SLC27A1: variants seen among roughly 807,000 people sequenced by gnomAD.
SLC27A1 encodes the protein long-chain fatty acid transport protein 1.
In SLC27A1, 61 loss-of-function variants were observed where a neutral mutation model predicts 62.2. The observed-to-expected ratio is 0.98, with a 90% CI of 0.80 to 1.21. SLC27A1 has a LOEUF of 1.21. Among genes scored for constraint, SLC27A1 ranks in the 50% most tolerant of loss-of-function variants. SLC27A1 has a pLI of 0.00. For missense variants in SLC27A1, 903 were observed against 932.1 expected, an observed-to-expected ratio of 0.97 and a Z score of 0.41; for synonymous variants, 435 against 408.6, an observed-to-expected ratio of 1.06 and a Z score of -0.78.
chr19:17,493,953 C>T (rs568330944), intron 6 of SLC27A1, among the ~76,000 whole-genome samples: 2 of 151,902 alleles, frequency 1.3e-5, no homozygotes, highest in East Asian at 3.9e-4. Flanking sequence ...TCTTACTGTA[C>T]ACGTGCTAAC....
chr19:17,488,385 A>G (rs1599655512), intron 4 of SLC27A1, among the ~76,000 whole-genome samples: 1 of 151,512 alleles, frequency 6.6e-6, no homozygotes. Flanking sequence ...ACAAACAAAA[A>G]CCCTCTCTCA....
At chr19:17,493,922 G>A (rs4808656) in intron 6 of SLC27A1, among the ~76,000 whole-genome samples, 119,756 of 152,042 alleles carry the variant, frequency 0.79, 48,317 homozygotes, top group Non-Finnish European at 0.89. Flanking sequence ...CACAGCAGCC[G>A]GCTTTTGTTG....
intron 1 of SLC27A1, among the ~76,000 whole-genome samples, chr19:17,483,203 C>T (rs2075197808): frequency 6.6e-6 from 1 of 152,086 alleles, no homozygotes; most frequent in Admixed American, 6.5e-5. Flanking sequence ...TGGCTCTGCA[C>T]AAGGCTTTGA....
rs368587295 is a variant in SLC27A1, at chr19:17,497,415, T to C, written c.1157T>C (p.Phe386Ser). The part of the protein sequence containing the change: ...ERFGVRQIGE[F>S]YGATECNCSI... ...TTCGGCGTACGCCAAATCGGGGAGTTCTACGGCGCCACCGAGTGCAACTGC... is the reference window on the plus strand; with the variant it reads ...TTCGGCGTACGCCAAATCGGGGAGTCCTACGGCGCCACCGAGTGCAACTGC... Residue 386 changes from phenylalanine to serine, a missense_variant, in exon 7 of 12, where the codon TTC becomes TCC. Coordinates refer to ENST00000252595, the MANE Select transcript of SLC27A1 (RefSeq NM_198580.3). The C allele has an allele frequency of 4.4e-6, 7 of 1,604,792 alleles. No homozygotes were observed. Among genetic ancestry groups the C allele is most frequent in the Non-Finnish European group, 5.1e-6 (6 of 1,177,118 alleles).
chr19:17,480,549 T>C (rs1272497303), intron 1 of SLC27A1, among the ~76,000 whole-genome samples: 1 of 146,380 alleles, frequency 6.8e-6, no homozygotes, highest in East Asian at 1.9e-4. Context: ...TTCTTTTTTT[T>C]TTTTTTTTTG....
At chr19:17,489,172 C>T in intron 6 of SLC27A1, 55 bp downstream of exon 6, 2 of 1,468,768 alleles carry the variant, frequency 1.4e-6, no homozygotes, top group Non-Finnish European at 1.9e-6. Flanking sequence ...AGGCCTCACC[C>T]CCTCCCAATC....
intron 4 of SLC27A1, chr19:17,488,618 C>T: frequency 1.7e-6 from 1 of 594,398 alleles, no homozygotes; most frequent in Non-Finnish European, 3.0e-6. Flanking sequence ...CCCCAACCCC[C>T]CTGGCTGCAT....
intron 4 of SLC27A1, 64 bp downstream of exon 4, chr19:17,487,593 T>C (rs946979489): frequency 6.6e-6 from 10 of 1,512,112 alleles, no homozygotes; most frequent in Non-Finnish European, 9.1e-6. Flanking sequence ...CTTGCCAGCC[T>C]GACCTGCCCC....
At chr19:17,482,286 A>C (rs1422179955) in intron 1 of SLC27A1, among the ~76,000 whole-genome samples, 9 of 152,172 alleles carry the variant, frequency 5.9e-5, no homozygotes, top group African/African-American at 2.2e-4. Flanking sequence ...TGCCGGGGTG[A>C]GGCAGGCGGA....
Position 17,497,166 on chromosome 19 carries a change from T to A in SLC27A1, c.997-89T>A, listed in dbSNP as rs770181259. The A allele has an allele frequency of 5.8e-6, 6 of 1,032,280 alleles. No individual in the cohort carries two copies. The East Asian group carries it at 1.7e-4, about 30-fold the overall frequency. The allele number at this position is 1,032,280 out of a possible 1,614,324, so 63.9% of individuals were successfully genotyped here. A position where few individuals can be genotyped will look rare whatever the true frequency, so the allele number is the denominator to read the frequency against. ...TGTTCCGCTCATAGGATTAGCTCCC[T>A]GGGTGGGGCGGTCTCGGGGTCTCTC... On this transcript the variant is annotated intron_variant, in intron 6 of 11. Transcript: ENST00000252595.
intron 1 of SLC27A1, among the ~76,000 whole-genome samples, chr19:17,484,388 C>T (rs1599649428): frequency 6.6e-6 from 1 of 152,128 alleles, no homozygotes; most frequent in East Asian, 1.9e-4. Flanking sequence ...TCCAGTAGTT[C>T]GAGACCAGCC....
intron 6 of SLC27A1, among the ~76,000 whole-genome samples, chr19:17,490,665 A>G (rs1375181043): frequency 1.3e-5 from 2 of 152,084 alleles, no homozygotes; most frequent in African/African-American, 4.8e-5. Flanking sequence ...CTGTTTCACT[A>G]TAACCTTTGA....
Position 17,486,837 on chromosome 19 carries a change from C to G in SLC27A1, c.442C>G (p.Leu148Val), listed in dbSNP as rs1422424579. The G allele has an allele frequency of 6.3e-7, 1 of 1,590,266 alleles. No individual in the cohort carries two copies. Among genetic ancestry groups the G allele is most frequent in the Admixed American group, 1.7e-5 (1 of 57,512 alleles). ...RPEFVGLWLGLAKAGMEAALL... is the reference protein window; with the variant it reads ...RPEFVGLWLGVAKAGMEAALL... The stretch of plus-strand genomic sequence containing the variant: ...GGAGTTCGTGGGGCTGTGGCTGGGC[C>G]TGGCCAAGGCGGGCATGGAGGCCGC... Residue 148 changes from leucine (L) to valine (V), a missense_variant, in exon 2 of 12, where the codon CTG (leucine) becomes GTG (valine). Transcript: ENST00000252595. The surrounding 1 kb of genome is among the most constrained non-coding windows in gnomAD (Gnocchi z 6.6).
At chr19:17,501,465 G>T (rs374778837) in intron 11 of SLC27A1, 46 bp downstream of exon 11, 2 of 1,587,876 alleles carry the variant, frequency 1.3e-6, no homozygotes, top group Non-Finnish European at 1.7e-6. Flanking sequence ...CCATCAGTGT[G>T]TCTGTTGATT....
At chr19:17,483,384 C>A (rs974592204) in intron 1 of SLC27A1, among the ~76,000 whole-genome samples, 1 of 151,864 alleles carries the variant, frequency 6.6e-6, no homozygotes, top group Non-Finnish European at 1.5e-5. Flanking sequence ...CTGAGGGAGG[C>A]AATGAGGCTG....
At chr19:17,503,478 T>A (rs2075438856) in intron 11 of SLC27A1, 1 of 152,134 alleles carries the variant, frequency 6.6e-6, no homozygotes, top group African/African-American at 2.4e-5. Flanking sequence ...TATTTATTTT[T>A]TGAGACAAGA....
rs114387438 is a variant in SLC27A1 at position 17,494,898 on chromosome 19, T to C, written c.997-2357T>C. ...ATTTGCGCCCTATGCGGATGGCACA[T>C]CTGGTCCTCACCGGTTTTTCACGGT... On this transcript the variant is annotated intron_variant, in intron 6 of 11. Transcript: ENST00000252595. Among the ~76,000 whole-genome samples, 534 of 151,878 alleles carry C rather than the reference T, an allele frequency of 3.5e-3. 4 individuals carry two copies. The highest frequency in any genetic ancestry group is 0.017 in the Middle Eastern group (5 of 288).
At chr19:17,474,864 A>G (rs1228114774) in intron 1 of SLC27A1, among the ~76,000 whole-genome samples, 2 of 151,670 alleles carry the variant, frequency 1.3e-5, no homozygotes, top group South Asian at 4.1e-4. Flanking sequence ...TCCCGACCTC[A>G]GGTGATCTGC....
At position 17,487,330 on chromosome 19, in the gene SLC27A1, T is replaced by A; in HGVS notation, c.719T>A (p.Met240Lys). 1 of 1,609,840 alleles carries A rather than the reference T, an allele frequency of 6.2e-7. No individual in the cohort carries two copies. Among genetic ancestry groups the A allele is most frequent in the Non-Finnish European group, 8.5e-7 (1 of 1,178,436 alleles). Residue 240 changes from methionine to lysine, a missense_variant, in exon 3 of 12, where the codon ATG (methionine) becomes AAG (lysine). By Grantham distance (95) the Met-to-Lys change is moderately conservative. Coordinates refer to ENST00000252595, the MANE Select transcript of SLC27A1 (RefSeq NM_198580.3). ...TTGGCACAGATCCCCAGCAAGGGCA[T>A]GGACGGTGAGTCAAGGGTGGGACCC... ...APLAQIPSKGMDDRLFYIYTS... is the reference protein window; with the variant it reads ...APLAQIPSKGKDDRLFYIYTS...
Sources: allele counts gnomAD v4.1 joint callset (sites outside exome capture counted in the v4.1 genomes callset), GRCh38; gene constraint gnomAD v4.1.1; non-coding constraint Gnocchi (gnomAD v3.1); transcripts MANE v1.5; gene names NCBI Gene and HGNC (gene_info 2026-07-23, HGNC 2026-07-21).